DLX4: variants seen among roughly 807,000 people sequenced by gnomAD.
The protein encoded by DLX4 is distal-less homeobox 4.
Under a neutral mutation model 17.1 loss-of-function variants are expected in DLX4, and 13 were observed. That is an observed-to-expected ratio of 0.76 (90% CI 0.49 to 1.21). The LOEUF (loss-of-function observed/expected upper bound fraction) is 1.21. DLX4 is among the 50% of genes most tolerant of loss of function. DLX4 has a pLI of 0.00. For missense variants in DLX4, 297 were observed against 301.4 expected (o/e 0.99, Z 0.11); for synonymous variants, 129 against 140.3 (o/e 0.92, Z 0.57).
intron 1 of DLX4, among the ~76,000 whole-genome samples, chr17:49,970,803 C>T: frequency 6.6e-6 from 1 of 152,204 alleles, no homozygotes; most frequent in Non-Finnish European, 1.5e-5. Flanking sequence ...ACATCTTCCT[C>T]CCTTCTCCTG....
At chr17:49,970,004 G>A (rs1905447377) in intron 1 of DLX4, among the ~76,000 whole-genome samples, 1 of 151,866 alleles carries the variant, frequency 6.6e-6, no homozygotes, top group African/African-American at 2.4e-5. Flanking sequence ...AGGCGAGAGG[G>A]CCCCCCCAAC....
chr17:49,973,450 A>C (rs1305316706), intron 2 of DLX4, 181 bp downstream of exon 2: 1 of 1,095,958 alleles, frequency 9.1e-7, no homozygotes, highest in Non-Finnish European at 1.3e-6. Flanking sequence ...AAAGGTGTGC[A>C]TGTATGTGCG....
In DLX4 at chr17:49,973,220, T is replaced by A. The variant is rs1486836567; in HGVS notation, c.431T>A (p.Leu144Gln). 6.2e-7 allele frequency: 1 copy of A among 1,614,006 alleles called. No homozygotes were observed. The highest frequency in any genetic ancestry group is 8.5e-7 in the Non-Finnish European group (1 of 1,180,044). The change falls in exon 2 of 3, where the codon CTG (leucine) becomes CAG (glutamine). Residue 144 changes from leucine (L) to glutamine (Q), a missense_variant. Coordinates refer to ENST00000240306, the MANE Select transcript of DLX4 (RefSeq NM_138281.3). The part of the protein sequence containing the change: ...QRFQHTQYLA[L>Q]PERAQLAAQL... ...TTCCAGCACACGCAGTACCTGGCGC[T>A]GCCCGAGAGGGCCCAGCTGGCAGCG...
chr17:49,971,088 GAT>G (rs1905487056), intron 1 of DLX4, among the ~76,000 whole-genome samples: 1 of 152,150 alleles, frequency 6.6e-6, no homozygotes, highest in Admixed American at 6.5e-5. Flanking sequence ...ATGCTAATAG[GAT>G]ATGTTTGTGT....
Position 49,972,566 on chromosome 17 carries a change from G to A in DLX4, c.284-507G>A. 4.1e-6 allele frequency: 1 copy of A among 246,796 alleles called. No individual in the cohort carries two copies. Among genetic ancestry groups the A allele is most frequent in the Non-Finnish European group, 6.7e-6 (1 of 149,262 alleles). 15.3% of individuals were successfully genotyped at this position (246,796 alleles called of 1,614,324 possible). A position where few individuals can be genotyped will look rare whatever the true frequency, so the allele number is the denominator to read the frequency against. ...TGGTATTCAAGGTCCTCTCAGCCGG[G>A]CCTCTCACCCACCCCGCTGGCCGCA... On this transcript the variant is annotated intron_variant, in intron 1 of 2. Coordinates refer to ENST00000240306, the MANE Select transcript of DLX4 (RefSeq NM_138281.3). The surrounding 1 kb of genome is among the most constrained non-coding windows in gnomAD (Gnocchi z 5.4).
intron 2 of DLX4, 67 bp from the exon 3 acceptor site, chr17:49,973,634 C>T: frequency 6.7e-7 from 1 of 1,490,464 alleles, no homozygotes; most frequent in Non-Finnish European, 8.9e-7. Flanking sequence ...ATCCCTTTCC[C>T]TTCCTCGAAA....
At chr17:49,970,541 C>G (rs1043311451) in intron 1 of DLX4, among the ~76,000 whole-genome samples, 1 of 152,230 alleles carries the variant, frequency 6.6e-6, no homozygotes, top group Non-Finnish European at 1.5e-5. Flanking sequence ...AAAGTGCTCA[C>G]TGGAAGGCCT....
At chr17:49,971,344 T>C (rs1905495161) in intron 1 of DLX4, among the ~76,000 whole-genome samples, 1 of 152,106 alleles carries the variant, frequency 6.6e-6, no homozygotes, top group Non-Finnish European at 1.5e-5. Flanking sequence ...GTGGAGGGCA[T>C]GTGATCGAGA....
At chr17:49,973,400 TCA>T (rs1905597018) in intron 2 of DLX4, 131 bp downstream of exon 2, 9 of 1,352,682 alleles carry the variant, frequency 6.7e-6, no homozygotes, top group Non-Finnish European at 9.1e-6. Context: ...CAGGGAATGT[TCA>T]TAGCTGGCTC....
In DLX4 at chr17:49,972,647, C is replaced by T; in HGVS notation, c.284-426C>T. 2.1e-6 allele frequency: 2 copies of T among 945,036 alleles called. No individual in the cohort carries two copies. The allele number at this position is 945,036 out of a possible 1,614,324, so 58.5% of individuals were successfully genotyped here. On this transcript the variant is annotated intron_variant, in intron 1 of 2. Transcript: ENST00000240306. This position sits in a 1 kb window ranked among gnomAD's most constrained non-coding sequence, Gnocchi z 5.4. ...AGCCTCTGAGCATTGCTCTGAGCCT[C>T]TGCCTGCAATGTCCTTCCTCTGTCA...
In DLX4 at chr17:49,970,092, C is replaced by A. The variant is rs143953566; in HGVS notation, c.283+341C>A. Among the ~76,000 whole-genome samples, 121 of 152,282 alleles carry A rather than the reference C, an allele frequency of 7.9e-4. No individual in the cohort carries two copies. In the East Asian group the frequency reaches 0.014, roughly 18 times the overall value. The stretch of plus-strand genomic sequence containing the variant: ...AGCAATCCAGATGTGGGGATGGGGG[C>A]CTAGCCCCTTTGTCAGAATCCCCCA... On this transcript the variant is annotated intron_variant, in intron 1 of 2. Coordinates refer to ENST00000240306, the MANE Select transcript of DLX4 (RefSeq NM_138281.3).
At chr17:49,971,411 T>C (rs1188629564) in intron 1 of DLX4, among the ~76,000 whole-genome samples, 6 of 152,070 alleles carry the variant, frequency 3.9e-5, no homozygotes, top group Admixed American at 3.3e-4. Context: ...GGGAAAAGGT[T>C]TGGCTCCAAG....
intron 1 of DLX4, among the ~76,000 whole-genome samples, chr17:49,971,291 C>T (rs1203723490): frequency 2.0e-5 from 3 of 152,166 alleles, no homozygotes; most frequent in Non-Finnish European, 4.4e-5. Flanking sequence ...GAATACATTT[C>T]TAGCATTTCT....
In DLX4 at chr17:49,972,986, GAC is replaced by G; in HGVS notation, c.284-86_284-85del. The G allele has an allele frequency of 6.4e-7, 1 of 1,552,842 alleles. No individual in the cohort carries two copies. Among genetic ancestry groups the G allele is most frequent in the Non-Finnish European group, 8.7e-7 (1 of 1,144,870 alleles). Reference sequence around the variant, plus strand: ...TGCTATTTGCTGCCGACGGCATGCAGACGAGATGCAAATAAGCTTATGAAACT... The same window carrying G: ...TGCTATTTGCTGCCGACGGCATGCAGGAGATGCAAATAAGCTTATGAAACT... On this transcript the variant is annotated intron_variant, in intron 1 of 2. Transcript: ENST00000240306. This position sits in a 1 kb window ranked among gnomAD's most constrained non-coding sequence, Gnocchi z 5.4.
At chr17:49,973,498 A>C in intron 2 of DLX4, 1 of 945,040 alleles carries the variant, frequency 1.1e-6, no homozygotes, top group Non-Finnish European at 1.6e-6. Flanking sequence ...AGGGTAGGTC[A>C]GACAGGGAGA....
chr17:49,972,564 G>A lies in DLX4; in HGVS notation c.284-509G>A, dbSNP rs544319672. 2.0e-4 allele frequency: 47 copies of A among 235,044 alleles called. No homozygotes were observed. The Admixed American group carries it at 2.6e-3, about 13-fold the overall frequency. The allele number at this position is 235,044 out of a possible 1,614,324, so 14.6% of individuals were successfully genotyped here. On this transcript the variant is annotated intron_variant, in intron 1 of 2. Coordinates refer to ENST00000240306, the MANE Select transcript of DLX4 (RefSeq NM_138281.3). The surrounding 1 kb of genome is among the most constrained non-coding windows in gnomAD (Gnocchi z 5.4). ...ACTGGTATTCAAGGTCCTCTCAGCC[G>A]GGCCTCTCACCCACCCCGCTGGCCG... is the stretch of plus-strand genomic sequence containing the variant.
rs534039535 is a variant in DLX4, at chr17:49,972,939, C to T, written c.284-134C>T. On this transcript the variant is annotated intron_variant, in intron 1 of 2. Coordinates refer to ENST00000240306, the MANE Select transcript of DLX4 (RefSeq NM_138281.3). This position sits in a 1 kb window ranked among gnomAD's most constrained non-coding sequence, Gnocchi z 5.4. ...AGGTAGAGGGCAGGGGCCAAGGGGG[C>T]GATCCTGGTGGCTGCGCTTTTTGCT... The T allele has an allele frequency of 3.4e-5, 51 of 1,493,168 alleles. No individual in the cohort carries two copies. Among genetic ancestry groups the T allele is most frequent in the Non-Finnish European group, 4.2e-5 (47 of 1,119,510 alleles). The allele number at this position is 1,493,168 out of a possible 1,614,324, so 92.5% of individuals were successfully genotyped here.
intron 2 of DLX4, 157 bp downstream of exon 2, chr17:49,973,426 G>T (rs1053396168): frequency 2.4e-6 from 3 of 1,228,930 alleles, no homozygotes; most frequent in Admixed American, 4.5e-5. Context: ...GTAAGCCTTG[G>T]GGGGAATGTG....
chr17:49,972,816 G>A lies in DLX4; in HGVS notation c.284-257G>A. The A allele has an allele frequency of 7.1e-7, 1 of 1,403,168 alleles. No individual in the cohort carries two copies. The highest frequency in any genetic ancestry group is 9.3e-7 in the Non-Finnish European group (1 of 1,080,852). 86.9% of individuals were successfully genotyped at this position (1,403,168 alleles called of 1,614,324 possible). On this transcript the variant is annotated intron_variant, in intron 1 of 2. Coordinates refer to ENST00000240306, the MANE Select transcript of DLX4 (RefSeq NM_138281.3). This position sits in a 1 kb window ranked among gnomAD's most constrained non-coding sequence, Gnocchi z 5.4. ...GTGGCCCTCGGCGCTTTCTTCCTAG[G>A]GTCACAGGACCCATACGAGTGGGAG...
Sources: gnomAD v4.1 joint callset for allele counts (sites outside exome capture counted in the v4.1 genomes callset) on GRCh38, gnomAD v4.1.1 for gene constraint, Gnocchi (gnomAD v3.1) non-coding constraint, MANE v1.5 for transcripts, NCBI Gene and HGNC (gene_info 2026-07-23, HGNC 2026-07-21) for gene names.